The following OR51B5 variants were observed in gnomAD, a reference collection of about 807,000 sequenced individuals.
The protein encoded by OR51B5 is olfactory receptor family 51 subfamily B member 5, also known as olfactory receptor 51B5.
For missense variants in OR51B5, 456 were observed against 374.6 expected (o/e 1.22, Z -1.79); for synonymous variants, 186 against 144.8 (o/e 1.28, Z -2.04).
intron 1 of OR51B5, chr11:5,390,448 T>A (rs11828284): frequency 6.0e-6 from 8 of 1,336,512 alleles, no homozygotes; most frequent in Non-Finnish European, 8.1e-6. Context: ...ATTTGGAGTA[T>A]TGAGTATATA....
At chr11:5,471,385 C>G (rs1251519464) in intron 1 of OR51B5, among the ~76,000 whole-genome samples, 1 of 152,040 alleles carries the variant, frequency 6.6e-6, no homozygotes, top group African/African-American at 2.4e-5. Context: ...TACCTGTAAT[C>G]CCAGCACTTT....
chr11:5,397,007 G>A (rs1259928718), intron 1 of OR51B5, among the ~76,000 whole-genome samples: 5 of 152,074 alleles, frequency 3.3e-5, no homozygotes, highest in African/African-American at 4.8e-5. Context: ...CCAAATGTAG[G>A]AAGCTGAAAC....
intron 1 of OR51B5, among the ~76,000 whole-genome samples, chr11:5,495,615 A>G (rs1427296619): frequency 6.6e-6 from 1 of 152,208 alleles, no homozygotes; most frequent in Non-Finnish European, 1.5e-5. Context: ...AAAGAGATCA[A>G]TGCATATCAC....
chr11:5,410,545 T>G (rs1850131740), intron 1 of OR51B5, among the ~76,000 whole-genome samples: 1 of 152,066 alleles, frequency 6.6e-6, no homozygotes, highest in Non-Finnish European at 1.5e-5. Context: ...AAGTGAAAAA[T>G]CCTATCACTT....
intron 1 of OR51B5, chr11:5,423,212 T>C: frequency 6.9e-7 from 1 of 1,454,266 alleles, no homozygotes; most frequent in Non-Finnish European, 9.1e-7. Flanking sequence ...GGGGGGAATA[T>C]ATTCAGAATT....
chr11:5,422,480 A>T (rs1850357163), intron 1 of OR51B5: 1 of 1,613,994 alleles, frequency 6.2e-7, no homozygotes, highest in African/African-American at 1.3e-5. Flanking sequence ...CGTTCGTAGA[A>T]TCAGCTCTGA....
intron 1 of OR51B5, among the ~76,000 whole-genome samples, chr11:5,420,623 C>T (rs1025259999): frequency 3.1e-4 from 46 of 150,100 alleles, no homozygotes; most frequent in African/African-American, 1.0e-3. Flanking sequence ...TTGTCTTTCT[C>T]TGTGATTCTT....
intron 1 of OR51B5, among the ~76,000 whole-genome samples, chr11:5,443,294 G>C (rs1219467474): frequency 6.6e-6 from 1 of 152,114 alleles, no homozygotes; most frequent in African/African-American, 2.4e-5. Context: ...ATCATATCGA[G>C]ATATCAGTCA....
Position 5,422,482 on chromosome 11 carries a change from C to T in OR51B5, n.85-75572G>A, listed in dbSNP as rs986630309. ...TTCTCTGGTTCAACGTTCGTAGAAT[C>T]AGCTCTGAGGCCTGTTTTGCTCAGT... On this transcript the variant is annotated intron_variant and non_coding_transcript_variant, in intron 1 of 4. Transcript: ENST00000415970. The T allele has an allele frequency of 1.9e-6, 3 of 1,614,092 alleles. No homozygotes were observed. In the African/African-American group the frequency reaches 4.0e-5, roughly 22 times the overall value.
intron 1 of OR51B5, among the ~76,000 whole-genome samples, chr11:5,398,189 CTTAA>C (rs1165342152): frequency 3.1e-4 from 16 of 51,066 alleles, no homozygotes; most frequent in Admixed American, 2.7e-3. Context: ...TACCCTAAAA[CTTAA>C]AAGTATAACA....
chr11:5,458,818 C>T (rs902927156), intron 1 of OR51B5, among the ~76,000 whole-genome samples: 5 of 152,020 alleles, frequency 3.3e-5, no homozygotes, highest in Admixed American at 6.6e-5. Context: ...CTTAAATTTT[C>T]GCTGAAATTG....
In OR51B5 at chr11:5,461,492, C is replaced by T. The variant is rs192458794; in HGVS notation, n.84+44077G>A. Among the ~76,000 whole-genome samples the T allele has an allele frequency of 7.9e-3, 1,209 of 152,230 alleles. 15 individuals carry two copies. The highest frequency in any genetic ancestry group is 0.028 in the African/African-American group (1,144 of 41,536). On this transcript the variant is annotated intron_variant and non_coding_transcript_variant, in intron 1 of 4. Transcript: ENST00000415970. ...CTCATTCAGATCAGACTTGCCCTGT[C>T]CCGTGGGCAAGAGAGCTCTGCTCTC...
At chr11:5,485,679 C>A (rs1050704183) in intron 1 of OR51B5, among the ~76,000 whole-genome samples, 1 of 152,172 alleles carries the variant, frequency 6.6e-6, no homozygotes, top group South Asian at 2.1e-4. Flanking sequence ...TGTCTCAAAG[C>A]CTTTGCACTT....
At chr11:5,397,183 C>T (rs1398338817) in intron 1 of OR51B5, among the ~76,000 whole-genome samples, 2 of 152,146 alleles carry the variant, frequency 1.3e-5, no homozygotes, top group African/African-American at 2.4e-5. Flanking sequence ...GCAATGGCAA[C>T]AAAAGCCAAA....
intron 1 of OR51B5, among the ~76,000 whole-genome samples, chr11:5,376,358 C>A (rs1411582665): frequency 6.6e-6 from 1 of 152,012 alleles, no homozygotes; most frequent in Non-Finnish European, 1.5e-5. Context: ...CAAGAGAAAG[C>A]AAGAAAGATC....
At chr11:5,432,122 C>A (rs1850543388) in intron 1 of OR51B5, among the ~76,000 whole-genome samples, 1 of 152,108 alleles carries the variant, frequency 6.6e-6, no homozygotes, top group Admixed American at 6.6e-5. Context: ...GAACTAATTC[C>A]TTCTATCTAA....
intron 1 of OR51B5, among the ~76,000 whole-genome samples, chr11:5,437,115 C>G (rs1850605204): frequency 6.6e-6 from 1 of 152,088 alleles, no homozygotes; most frequent in East Asian, 1.9e-4. Context: ...ACTACTTCAC[C>G]TGGAGATACT....
intron 1 of OR51B5, among the ~76,000 whole-genome samples, chr11:5,399,269 G>A (rs1849930271): frequency 6.6e-6 from 1 of 152,138 alleles, no homozygotes; most frequent in African/African-American, 2.4e-5. Flanking sequence ...CTGAGTATCA[G>A]TGAGCCAATA....
chr11:5,475,704 G>C (rs761608049), intron 1 of OR51B5, among the ~76,000 whole-genome samples: 1 of 152,048 alleles, frequency 6.6e-6, no homozygotes, highest in Non-Finnish European at 1.5e-5. Context: ...CATGAAACAT[G>C]ACCATCTCTC....
Sources: allele counts gnomAD v4.1 joint callset (sites outside exome capture counted in the v4.1 genomes callset), GRCh38; gene constraint gnomAD v4.1.1; transcripts MANE v1.5; gene names NCBI Gene and HGNC (gene_info 2026-07-23, HGNC 2026-07-21).